The following BMP6 variants were observed in gnomAD, a reference collection of about 807,000 sequenced individuals.
BMP6 encodes the protein bone morphogenetic protein 6.
Under a neutral mutation model 54.1 loss-of-function variants are expected in BMP6, and 17 were observed. The ratio of observed to expected loss-of-function variants is 0.31; its 90% CI spans 0.22 to 0.47. The LOEUF (loss-of-function observed/expected upper bound fraction) is 0.47. BMP6 is among the 20% of genes least tolerant of loss of function. The probability of loss-of-function intolerance (pLI) is 1.00; values close to 1 mark genes in which losing one functional copy is unlikely to be tolerated. For synonymous variants in BMP6, 328 were observed against 291.2 expected (o/e 1.13, Z -1.28); for missense variants, 720 against 690.4 (o/e 1.04, Z -0.48).
chr6:7,812,181 G>A (rs1758445259), intron 1 of BMP6, among the ~76,000 whole-genome samples: 2 of 152,178 alleles, frequency 1.3e-5, no homozygotes, highest in Admixed American at 6.5e-5. Flanking sequence ...TTTAGGGAGA[G>A]GGAGTAATCA....
chr6:7,790,514 CAAAAAAAAAAAAAAAAA>C (rs35572440), intron 1 of BMP6, among the ~76,000 whole-genome samples: 9 of 73,504 alleles, frequency 1.2e-4, no homozygotes, highest in Admixed American at 1.2e-3. Context: ...GACCCTGTCT[CAAAAAAAAAAAAAAAAA>C]AAAAAAAAAA....
intron 1 of BMP6, among the ~76,000 whole-genome samples, chr6:7,731,037 T>C (rs1761846507): frequency 6.6e-6 from 1 of 152,174 alleles, no homozygotes; most frequent in Non-Finnish European, 1.5e-5. Context: ...GATAAATTTC[T>C]CTCTCATAGC....
intron 1 of BMP6, among the ~76,000 whole-genome samples, chr6:7,762,269 G>A (rs1757624638): frequency 6.6e-6 from 1 of 152,188 alleles, no homozygotes; most frequent in Non-Finnish European, 1.5e-5. Flanking sequence ...ATTAAGGTGT[G>A]AGTGGTCAAA....
chr6:7,769,398 T>C (rs1757748755), intron 1 of BMP6, among the ~76,000 whole-genome samples: 1 of 152,222 alleles, frequency 6.6e-6, no homozygotes, highest in Non-Finnish European at 1.5e-5. Context: ...CATCAGCATG[T>C]TTAAAAAGCT....
At chr6:7,869,579 C>T (rs951328629) in intron 4 of BMP6, among the ~76,000 whole-genome samples, 3 of 152,176 alleles carry the variant, frequency 2.0e-5, no homozygotes, top group African/African-American at 7.2e-5. Context: ...GATGAGAGAG[C>T]TATTCTGCAG....
At chr6:7,822,520 G>T (rs939023349) in intron 1 of BMP6, among the ~76,000 whole-genome samples, 1 of 152,134 alleles carries the variant, frequency 6.6e-6, no homozygotes, top group Non-Finnish European at 1.5e-5. Context: ...GCCAGCAGTG[G>T]TGCCACCTCA....
intron 2 of BMP6, 125 bp from the exon 3 acceptor site, chr6:7,861,326 G>T: frequency 1.6e-6 from 2 of 1,225,786 alleles, no homozygotes; most frequent in Admixed American, 2.0e-5. Flanking sequence ...AAGTCACTGT[G>T]CTTGTGCCTC....
At chr6:7,782,710 GAAA>G (rs1303832382) in intron 1 of BMP6, among the ~76,000 whole-genome samples, 1 of 151,688 alleles carries the variant, frequency 6.6e-6, no homozygotes. Context: ...CTCAAAAAAA[GAAA>G]AAAGAGAAAG....
chr6:7,752,257 G>GT (rs1757437071), intron 1 of BMP6, among the ~76,000 whole-genome samples: 1 of 152,202 alleles, frequency 6.6e-6, no homozygotes, highest in Non-Finnish European at 1.5e-5. Context: ...CCATTGAAAC[G>GT]TTATTTATAA....
intron 1 of BMP6, among the ~76,000 whole-genome samples, chr6:7,769,718 A>C (rs575156331): frequency 5.3e-5 from 6 of 113,392 alleles, no homozygotes; most frequent in African/African-American, 1.7e-4. Context: ...GTAATTTCAC[A>C]ATTATTTTTA....
chr6:7,809,653 G>T (rs1456770021), intron 1 of BMP6, among the ~76,000 whole-genome samples: 1 of 152,208 alleles, frequency 6.6e-6, no homozygotes, highest in African/African-American at 2.4e-5. Context: ...CCACCATTCA[G>T]TCGGAAGCTT....
At chr6:7,730,580 A>G (rs1761836000) in intron 1 of BMP6, among the ~76,000 whole-genome samples, 1 of 152,192 alleles carries the variant, frequency 6.6e-6, no homozygotes, top group Non-Finnish European at 1.5e-5. Context: ...AAGCAATTCT[A>G]TTTCATCTTA....
intron 1 of BMP6, among the ~76,000 whole-genome samples, chr6:7,796,431 T>C (rs2113191066): frequency 6.6e-6 from 1 of 152,370 alleles, no homozygotes; most frequent in Non-Finnish European, 1.5e-5. Flanking sequence ...AGTACTTTTT[T>C]CACCCTGTTC....
chr6:7,803,179 G>T (rs140103667), intron 1 of BMP6, among the ~76,000 whole-genome samples: 2 of 152,096 alleles, frequency 1.3e-5, no homozygotes, highest in Admixed American at 6.5e-5. Context: ...AGGGAGCAGC[G>T]TACATCCACC....
chr6:7,848,652 T>C (rs1581275664), intron 2 of BMP6, among the ~76,000 whole-genome samples: 1 of 152,246 alleles, frequency 6.6e-6, no homozygotes, highest in Non-Finnish European at 1.5e-5. Flanking sequence ...TAATACCTGC[T>C]GTTTTCAGTG....
chr6:7,842,492 T>C (rs541972224), intron 1 of BMP6, among the ~76,000 whole-genome samples: 2 of 152,304 alleles, frequency 1.3e-5, no homozygotes, highest in East Asian at 3.9e-4. Flanking sequence ...TAGTCACACT[T>C]CTTAGATGAC....
intron 1 of BMP6, among the ~76,000 whole-genome samples, chr6:7,755,796 G>T (rs1277212297): frequency 6.6e-6 from 1 of 152,056 alleles, no homozygotes; most frequent in South Asian, 2.1e-4. Flanking sequence ...GTTGTGGAAA[G>T]ATATTCACTG....
chr6:7,814,395 T>G (rs954541858), intron 1 of BMP6, among the ~76,000 whole-genome samples: 2 of 152,184 alleles, frequency 1.3e-5, no homozygotes, highest in Admixed American at 6.5e-5. Context: ...TCAAAAACTC[T>G]TAGCTTCTCT....
At chr6:7,732,966 G>A (rs1761892779) in intron 1 of BMP6, among the ~76,000 whole-genome samples, 2 of 151,342 alleles carry the variant, frequency 1.3e-5, no homozygotes, top group Non-Finnish European at 2.9e-5. Flanking sequence ...GCGAGATCTC[G>A]GCTCACTGCA....
Sources: allele counts gnomAD v4.1 joint callset (sites outside exome capture counted in the v4.1 genomes callset), GRCh38; gene constraint gnomAD v4.1.1; transcripts MANE v1.5; gene names NCBI Gene and HGNC (gene_info 2026-07-23, HGNC 2026-07-21).